The following SLC2A3 variants were observed in gnomAD, a reference collection of about 807,000 sequenced individuals.
SLC2A3 encodes the protein solute carrier family 2 member 3.
SLC2A3 carries 21 observed loss-of-function variants against 46.4 expected under a neutral mutation model. That is an observed-to-expected ratio of 0.45 (90% CI 0.32 to 0.65). The LOEUF is 0.65. Among genes scored for constraint, SLC2A3 ranks in the 30% least tolerant of loss-of-function variants. The pLI is 0.04. For synonymous variants in SLC2A3, 213 were observed against 239.4 expected, an observed-to-expected ratio of 0.89 and a Z score of 1.02; for missense variants, 499 against 623.3, an observed-to-expected ratio of 0.80 and a Z score of 2.12.
chr12:7,934,173 A>G (rs1357846631), intron 1 of SLC2A3, among the ~76,000 whole-genome samples: 1 of 152,132 alleles, frequency 6.6e-6, no homozygotes, highest in African/African-American at 2.4e-5. Flanking sequence ...GTCAGTTTGG[A>G]AATATTTAAA....
intron 3 of SLC2A3, among the ~76,000 whole-genome samples, chr12:7,932,206 CT>C (rs1192376672): frequency 1.3e-5 from 2 of 151,154 alleles, no homozygotes; most frequent in African/African-American, 4.9e-5. Flanking sequence ...GGGTTTTGCT[CT>C]TTCGCCCAGG....
intron 3 of SLC2A3, 49 bp downstream of exon 3, chr12:7,932,938 T>C (rs1441844278): frequency 2.5e-6 from 4 of 1,607,548 alleles, no homozygotes; most frequent in African/African-American, 1.3e-5. Context: ...ACACTTGTCC[T>C]CAATGTGGCT....
In SLC2A3 at chr12:7,931,434, A is replaced by G. The variant is rs774082529; in HGVS notation, c.321T>C (p.Phe107=). 24 of 1,614,164 alleles carry G rather than the reference A, an allele frequency of 1.5e-5. 1 individual carries two copies. Among genetic ancestry groups the G allele is most frequent in the Non-Finnish European group, 1.8e-5 (21 of 1,180,018 alleles). The stretch of plus-strand genomic sequence containing the variant: ...ACTTAGCTACTTTACACAGTCCCAT[A>G]AAGCAGCCACCAGTGACAGCCAACA... ...VNLLAVTGGC[F]MGLCKVAKSV... is the part of the protein sequence containing the mutation. Residue 107 remains phenylalanine, a synonymous_variant, in exon 4 of 10, where the codon TTT becomes TTC. Transcript: ENST00000075120.
intron 3 of SLC2A3, 54 bp downstream of exon 3, chr12:7,932,933 T>C (rs1946172167): frequency 1.2e-6 from 2 of 1,605,704 alleles, no homozygotes; most frequent in Non-Finnish European, 1.7e-6. Context: ...TCTCCACACT[T>C]GTCCTCAATG....
intron 6 of SLC2A3, among the ~76,000 whole-genome samples, chr12:7,928,760 A>T (rs966049128): frequency 6.6e-6 from 1 of 151,960 alleles, no homozygotes; most frequent in Non-Finnish European, 1.5e-5. Flanking sequence ...TTCCAAATGA[A>T]GAAATTTGAG....
At chr12:7,930,378 A>T in intron 5 of SLC2A3, 102 bp downstream of exon 5, 1 of 1,224,460 alleles carries the variant, frequency 8.2e-7, no homozygotes, top group Non-Finnish European at 1.2e-6. Flanking sequence ...TTGGATTCTG[A>T]GAGGCAGGGA....
chr12:7,934,847 C>T (rs373391615), intron 1 of SLC2A3, among the ~76,000 whole-genome samples: 2 of 152,298 alleles, frequency 1.3e-5, no homozygotes, highest in African/African-American at 2.4e-5. Context: ...ATCGGTACCC[C>T]GGAGGGCCCT....
chr12:7,934,784 C>A (rs1946196202), intron 1 of SLC2A3, among the ~76,000 whole-genome samples: 2 of 152,054 alleles, frequency 1.3e-5, no homozygotes, highest in African/African-American at 4.8e-5. Context: ...GGAGCTTCAG[C>A]AGGAGAAGTG....
chr12:7,929,370 A>T (rs1946128600), intron 6 of SLC2A3: 3 of 309,490 alleles, frequency 9.7e-6, no homozygotes, highest in Non-Finnish European at 1.8e-5. Flanking sequence ...TGCCCTCTTT[A>T]AACTACCATG....
chr12:7,926,513 G>A (rs1946096483), intron 6 of SLC2A3, among the ~76,000 whole-genome samples: 1 of 152,016 alleles, frequency 6.6e-6, no homozygotes, highest in African/African-American at 2.4e-5. Context: ...TTACATAAAG[G>A]TGTAATTCCT....
At chr12:7,930,453 A>T (rs977941123) in intron 5 of SLC2A3, 27 bp downstream of exon 5, 1 of 1,601,142 alleles carries the variant, frequency 6.2e-7, no homozygotes. Flanking sequence ...CATATAATTC[A>T]TGTAGTAAGG....
At chr12:7,924,057 C>T (rs753491970) in intron 8 of SLC2A3, among the ~76,000 whole-genome samples, 4 of 151,842 alleles carry the variant, frequency 2.6e-5, no homozygotes, top group Non-Finnish European at 4.4e-5. Flanking sequence ...CGTGAGCCAC[C>T]GCGCCCAGCT....
intron 4 of SLC2A3, 40 bp from the exon 5 acceptor site, chr12:7,930,682 T>G: frequency 1.3e-6 from 2 of 1,571,652 alleles, no homozygotes; most frequent in Non-Finnish European, 1.7e-6. Flanking sequence ...ACCCCATACT[T>G]CACAGGCCAC....
chr12:7,923,235 A>C, intron 8 of SLC2A3: 1 of 535,920 alleles, frequency 1.9e-6, no homozygotes, highest in Non-Finnish European at 3.3e-6. Context: ...GTGGCACTAC[A>C]ATAGCTCACT....
At chr12:7,934,496 C>T (rs901911150) in intron 1 of SLC2A3, among the ~76,000 whole-genome samples, 4 of 152,020 alleles carry the variant, frequency 2.6e-5, no homozygotes, top group Admixed American at 1.3e-4. Context: ...CCCTAACTCC[C>T]GCGCAGGGGA....
chr12:7,936,039 G>A lies in SLC2A3; in HGVS notation c.-5C>T. Reference sequence around the variant, plus strand: ...TCTTACCTTCTGTGTCCCCATCGCTGTAATCTAATTCAAGTCTTCAAGAAA... The same window carrying A: ...TCTTACCTTCTGTGTCCCCATCGCTATAATCTAATTCAAGTCTTCAAGAAA... On this transcript the variant is annotated 5_prime_UTR_variant, in exon 1 of 10. Coordinates refer to ENST00000075120, the MANE Select transcript of SLC2A3 (RefSeq NM_006931.3). 6.2e-7 allele frequency: 1 copy of A among 1,606,788 alleles called. No individual in the cohort carries two copies. The highest frequency in any genetic ancestry group is 8.5e-7 in the Non-Finnish European group (1 of 1,173,390).
chr12:7,933,497 T>A lies in SLC2A3; in HGVS notation c.108+313A>T, dbSNP rs1433800772. On this transcript the variant is annotated intron_variant, in intron 2 of 9. Coordinates refer to ENST00000075120, the MANE Select transcript of SLC2A3 (RefSeq NM_006931.3). ...CACCGCCCAGCGTTCCGGGAGTAAG[T>A]GAGCTTTGTGCTTCGATTAGATGAC... 4 of 462,916 alleles carry A rather than the reference T, an allele frequency of 8.6e-6. No individual in the cohort carries two copies. The East Asian group carries it at 1.5e-4, about 18-fold the overall frequency. 28.7% of individuals were successfully genotyped at this position (462,916 alleles called of 1,614,324 possible).
Position 7,921,026 on chromosome 12 carries a change from CAT to C in SLC2A3, c.*385_*386del. The C allele has an allele frequency of 2.7e-6, 1 of 364,506 alleles. No homozygotes were observed. Among genetic ancestry groups the C allele is most frequent in the South Asian group, 2.2e-5 (1 of 44,760 alleles). The allele number at this position is 364,506 out of a possible 1,614,324, so 22.6% of individuals were successfully genotyped here. On this transcript the variant is annotated 3_prime_UTR_variant, in exon 10 of 10. Coordinates refer to ENST00000075120, the MANE Select transcript of SLC2A3 (RefSeq NM_006931.3). ...ATAAACACCCTCCGGCTTCCACACT[CAT>C]ATGTATCTGCTTCCTGGTAAGTCTG...
intron 6 of SLC2A3, among the ~76,000 whole-genome samples, chr12:7,927,635 A>C (rs1179445264): frequency 6.6e-6 from 1 of 152,090 alleles, no homozygotes; most frequent in Non-Finnish European, 1.5e-5. Context: ...TTTACAGACA[A>C]CTTTCAGGTC....
Sources: gnomAD v4.1 joint callset for allele counts (sites outside exome capture counted in the v4.1 genomes callset) on GRCh38, gnomAD v4.1.1 for gene constraint, MANE v1.5 for transcripts, NCBI Gene and HGNC (gene_info 2026-07-23, HGNC 2026-07-21) for gene names.